ZC3H3: variants seen among roughly 807,000 people sequenced by gnomAD.
The protein encoded by ZC3H3 is zinc finger CCCH domain-containing protein 3.
In ZC3H3, 36 loss-of-function variants were observed where a neutral mutation model predicts 77.3. The ratio of observed to expected loss-of-function variants is 0.47; its 90% CI spans 0.36 to 0.61. The LOEUF (loss-of-function observed/expected upper bound fraction) is 0.61. Among genes scored for constraint, ZC3H3 ranks in the 20% least tolerant of loss-of-function variants. ZC3H3 has a pLI of 0.00. For synonymous variants in ZC3H3, 626 were observed against 555.2 expected, an observed-to-expected ratio of 1.13 and a Z score of -1.79; for missense variants, 1,331 against 1,312.2, an observed-to-expected ratio of 1.01 and a Z score of -0.22.
chr8:143,524,028 T>A (rs1035022943), intron 3 of ZC3H3, among the ~76,000 whole-genome samples: 1 of 152,240 alleles, frequency 6.6e-6, no homozygotes, highest in African/African-American at 2.4e-5. Flanking sequence ...GGCGCAAGCC[T>A]GGAACAGAAG....
intron 4 of ZC3H3, among the ~76,000 whole-genome samples, chr8:143,489,072 C>T (rs748716281): frequency 1.3e-5 from 2 of 152,198 alleles, no homozygotes; most frequent in Non-Finnish European, 2.9e-5. Flanking sequence ...CAGATGAAGG[C>T]GCTTCTCTGG....
chr8:143,475,726 G>T, intron 4 of ZC3H3, 141 bp from the exon 5 acceptor site: 1 of 976,092 alleles, frequency 1.0e-6, no homozygotes, highest in Non-Finnish European at 1.4e-6. Context: ...ACTCCAGCTG[G>T]GTGACCACGG....
intron 4 of ZC3H3, among the ~76,000 whole-genome samples, chr8:143,502,819 T>C (rs1381535512): frequency 6.6e-6 from 1 of 152,126 alleles, no homozygotes; most frequent in African/African-American, 2.4e-5. Context: ...TCAGGGTGAC[T>C]CCTCCAAAAC....
intron 3 of ZC3H3, among the ~76,000 whole-genome samples, chr8:143,534,633 GACA>G (rs1822733104): frequency 1.3e-5 from 2 of 151,818 alleles, no homozygotes; most frequent in Non-Finnish European, 2.9e-5. Context: ...CCCAGAGCTG[GACA>G]CCTCCCCAAC....
At chr8:143,486,597 A>G (rs1821059683) in intron 4 of ZC3H3, among the ~76,000 whole-genome samples, 1 of 152,164 alleles carries the variant, frequency 6.6e-6, no homozygotes, top group East Asian at 1.9e-4. Context: ...TTGGTGGGGG[A>G]CACAATTCAG....
At chr8:143,444,941 T>A (rs1819829813) in intron 9 of ZC3H3, among the ~76,000 whole-genome samples, 1 of 152,210 alleles carries the variant, frequency 6.6e-6, no homozygotes, top group Non-Finnish European at 1.5e-5. Context: ...AGAGAATTTA[T>A]AAACTAATTA....
intron 4 of ZC3H3, among the ~76,000 whole-genome samples, chr8:143,496,327 G>A (rs1159406508): frequency 6.6e-6 from 1 of 152,166 alleles, no homozygotes; most frequent in Non-Finnish European, 1.5e-5. Context: ...AGGGCCGAGA[G>A]CCACTGCCCC....
chr8:143,514,355 C>A (rs1301072141), intron 3 of ZC3H3, among the ~76,000 whole-genome samples: 1 of 152,204 alleles, frequency 6.6e-6, no homozygotes, highest in Non-Finnish European at 1.5e-5. Context: ...GGGCCCTGGT[C>A]TCCCCAGTGT....
At chr8:143,479,958 G>A (rs1350640308) in intron 4 of ZC3H3, among the ~76,000 whole-genome samples, 1 of 152,228 alleles carries the variant, frequency 6.6e-6, no homozygotes, top group Non-Finnish European at 1.5e-5. Flanking sequence ...GAGGCTGCCC[G>A]GGCTGGCGAG....
intron 1 of ZC3H3, among the ~76,000 whole-genome samples, chr8:143,540,689 C>T (rs1822982498): frequency 6.6e-6 from 1 of 151,122 alleles, no homozygotes; most frequent in African/African-American, 2.4e-5. Flanking sequence ...GGAGCGGTGG[C>T]TCATGCCTGT....
chr8:143,514,645 C>G (rs931466876), intron 3 of ZC3H3, among the ~76,000 whole-genome samples: 4 of 152,206 alleles, frequency 2.6e-5, no homozygotes, highest in African/African-American at 9.6e-5. Context: ...TGCTCTCGCG[C>G]CCCCTCAGGC....
rs1049945949 is a variant in ZC3H3, at chr8:143,533,839, C to T, written c.1561+2418G>A. Among the ~76,000 whole-genome samples the T allele has an allele frequency of 6.6e-6, 1 of 152,140 alleles. No individual in the cohort carries two copies. Among genetic ancestry groups the T allele is most frequent in the African/African-American group, 2.4e-5 (1 of 41,456 alleles). ...TACAGACGCTCGCCACCACACCCAG[C>T]TAATTTTTGTATTTTTAGTAGAGAC... On this transcript the variant is annotated intron_variant, in intron 3 of 11. Transcript: ENST00000262577. The surrounding 1 kb of genome is among the most constrained non-coding windows in gnomAD (Gnocchi z 4.0).
intron 9 of ZC3H3, among the ~76,000 whole-genome samples, chr8:143,461,894 C>CT (rs1820274788): frequency 6.6e-6 from 1 of 151,478 alleles, no homozygotes; most frequent in African/African-American, 2.4e-5. Context: ...CTGTACCACT[C>CT]TAAGTTTACT....
intron 5 of ZC3H3, among the ~76,000 whole-genome samples, chr8:143,474,849 C>T (rs995296249): frequency 7.9e-5 from 12 of 152,240 alleles, no homozygotes; most frequent in African/African-American, 2.4e-4. Context: ...GCTGGGAGGG[C>T]GCAAGGTGGC....
chr8:143,517,192 C>T (rs180698917), intron 3 of ZC3H3, among the ~76,000 whole-genome samples: 12 of 152,300 alleles, frequency 7.9e-5, no homozygotes, highest in Non-Finnish European at 1.5e-4. Flanking sequence ...ACACCTGACC[C>T]GTCTGTATGA....
chr8:143,446,207 G>C (rs1413087971), intron 9 of ZC3H3, among the ~76,000 whole-genome samples: 1 of 152,146 alleles, frequency 6.6e-6, no homozygotes, highest in Non-Finnish European at 1.5e-5. Context: ...CAATGTGAAA[G>C]GTAAACACAA....
chr8:143,495,305 G>A (rs911036023), intron 4 of ZC3H3, among the ~76,000 whole-genome samples: 3 of 152,240 alleles, frequency 2.0e-5, no homozygotes, highest in African/African-American at 7.2e-5. Flanking sequence ...TGGAAGCAAT[G>A]CGAGAACATC....
In ZC3H3 at chr8:143,539,139, G is replaced by A. The variant is rs754771636; in HGVS notation, c.228C>T (p.Leu76=). 13 of 1,612,902 alleles carry A rather than the reference G, an allele frequency of 8.1e-6. No homozygotes were observed. The highest frequency in any genetic ancestry group is 4.5e-5 in the East Asian group (2 of 44,894). The change falls in exon 2 of 12, where the codon CTC becomes CTT. Residue 76 remains leucine, a synonymous_variant. Coordinates refer to ENST00000262577, the MANE Select transcript of ZC3H3 (RefSeq NM_015117.3). ...HGPSWRKKYS[L]VNRPPGPSDP... ...CTGAGGGTCCCGGGGGCCGATTCAC[G>A]AGGGAGTATTTCTTGCGCCACGAAG...
In ZC3H3 at chr8:143,472,304, G is replaced by A. The variant is rs546216428; in HGVS notation, c.1903+3094C>T. On this transcript the variant is annotated intron_variant, in intron 5 of 11. Coordinates refer to ENST00000262577, the MANE Select transcript of ZC3H3 (RefSeq NM_015117.3). ...CAAGGGAAGGGCCAACGGAGGCAGA[G>A]GCCAGTCAGCAAGGGTGGCCGGGAT... is the stretch of plus-strand genomic sequence containing the variant. 3.4e-4 allele frequency among the ~76,000 whole-genome samples: 52 copies of A among 152,384 alleles called. 1 individual carries two copies. In the South Asian group the frequency reaches 0.011, roughly 32 times the overall value.
Sources: gnomAD v4.1 joint callset for allele counts (sites outside exome capture counted in the v4.1 genomes callset) on GRCh38, gnomAD v4.1.1 for gene constraint, Gnocchi (gnomAD v3.1) non-coding constraint, MANE v1.5 for transcripts, NCBI Gene and HGNC (gene_info 2026-07-23, HGNC 2026-07-21) for gene names.